The following CHD1L variants were observed in gnomAD, a reference collection of about 807,000 sequenced individuals.
CHD1L encodes the protein ATP-dependent chromatin remodeler CHD1L.
A neutral mutation model predicts 115.9 loss-of-function variants in CHD1L; 118 were observed. The observed-to-expected ratio is 1.02, with a 90% CI of 0.88 to 1.19. The LOEUF is 1.19. Ranked by LOEUF, CHD1L falls within the 50% of genes most tolerant of loss-of-function variation. CHD1L has a pLI of 0.00. For missense variants in CHD1L, 1,179 were observed against 1,065.3 expected, an observed-to-expected ratio of 1.11 and a Z score of -1.49; for synonymous variants, 411 against 387.1, an observed-to-expected ratio of 1.06 and a Z score of -0.72.
At chr1:147,186,278 A>G in the CHD1L span, 1 of 971,058 alleles carries the variant, frequency 1.0e-6, no homozygotes, top group Non-Finnish European at 1.2e-6. Context: ...TAATTTCTTT[A>G]TTGAGAAAAT....
rs1553973077 is a variant in CHD1L at position 147,293,649 on chromosome 1, C to T, written c.2433C>T (p.Val811=). ...IVAQHRDRSN[V]LSGIKMAALE... The stretch of plus-strand genomic sequence containing the variant: ...CTCAGCATCGTGATCGTTCCAATGT[C>T]CTGTCTGGCATTAAGATGGCAGCCC... Residue 811 remains valine, a synonymous_variant, in exon 21 of 23, where the codon GTC becomes GTT. Coordinates refer to ENST00000369258, the MANE Select transcript of CHD1L (RefSeq NM_004284.6). 6.2e-7 allele frequency: 1 copy of T among 1,614,148 alleles called. No homozygotes were observed. The highest frequency in any genetic ancestry group is 8.5e-7 in the Non-Finnish European group (1 of 1,180,022).
At chr1:147,290,767 C>T (rs782745201) in intron 19 of CHD1L, among the ~76,000 whole-genome samples, 2 of 152,156 alleles carry the variant, frequency 1.3e-5, no homozygotes, top group Non-Finnish European at 2.9e-5. Flanking sequence ...GATCCTCCCA[C>T]CTCAGCCTCC....
intron 6 of CHD1L, chr1:147,260,165 C>T (rs1355723813): frequency 8.5e-6 from 3 of 354,048 alleles, no homozygotes; most frequent in African/African-American, 6.1e-5. Flanking sequence ...ACATCGCTAT[C>T]ACTCAAAGTC....
At chr1:147,253,272 T>A (rs1668990289) in intron 2 of CHD1L, among the ~76,000 whole-genome samples, 1 of 152,196 alleles carries the variant, frequency 6.6e-6, no homozygotes, top group Non-Finnish European at 1.5e-5. Context: ...TGTAGACACA[T>A]CTGGTTTATA....
chr1:147,179,173 C>T, the CHD1L span: 1 of 1,613,946 alleles, frequency 6.2e-7, no homozygotes, highest in African/African-American at 1.3e-5. Flanking sequence ...GAGGTTCCTG[C>T]AGGATTACTT....
intron 6 of CHD1L, among the ~76,000 whole-genome samples, chr1:147,261,918 G>A (rs928021707): frequency 6.7e-6 from 1 of 150,326 alleles, no homozygotes. Flanking sequence ...GCAACCAGCC[G>A]GGCGCAGTGG....
In CHD1L at chr1:147,268,790, C is replaced by A. The variant is rs1249494722; in HGVS notation, c.997C>A (p.Pro333Thr). 6 of 1,612,914 alleles carry A rather than the reference C, an allele frequency of 3.7e-6. No homozygotes were observed. The highest frequency in any genetic ancestry group is 5.1e-6 in the Non-Finnish European group (6 of 1,179,370). ...DHPYLFDGVE[P>T]EPFEVGDHLT... Reference sequence around the variant, plus strand: ...GGTTCTTTCTTTTCTAGGTGTGGAGCCGGAGCCTTTTGAAGTTGGAGACCA... The same window carrying A: ...GGTTCTTTCTTTTCTAGGTGTGGAGACGGAGCCTTTTGAAGTTGGAGACCA... Residue 333 changes from proline (P) to threonine (T), a missense_variant, in exon 10 of 23, where the codon CCG becomes ACG. Physicochemically the swap from Pro to Thr is conservative, Grantham distance 38 (BLOSUM62 -1). Transcript: ENST00000369258.
Position 147,246,543 on chromosome 1 carries a change from A to G in CHD1L, c.127+3713A>G, listed in dbSNP as rs138292062. Among the ~76,000 whole-genome samples, 777 of 152,286 alleles carry G rather than the reference A, an allele frequency of 5.1e-3. 7 individuals are homozygous for G. Among genetic ancestry groups the G allele is most frequent in the Non-Finnish European group, 8.8e-3 (600 of 68,024 alleles). On this transcript the variant is annotated intron_variant, in intron 1 of 22. Transcript: ENST00000369258. ...ACCAGCAATGTATGACTGAGTTTGG[A>G]TTCTTTGCATCCTTGCCAGCATTTG...
chr1:147,198,574 G>C, the CHD1L span, among the ~76,000 whole-genome samples: 1 of 152,112 alleles, frequency 6.6e-6, no homozygotes, highest in Non-Finnish European at 1.5e-5. Flanking sequence ...CCTGAGGCCG[G>C]GTACAGTGAC....
chr1:147,284,997 C>T (rs1173649622), intron 16 of CHD1L, among the ~76,000 whole-genome samples: 1 of 152,178 alleles, frequency 6.6e-6, no homozygotes, highest in African/African-American at 2.4e-5. Flanking sequence ...GAAGTGGCAT[C>T]CTGCAGGGTA....
the CHD1L span, among the ~76,000 whole-genome samples, chr1:147,233,509 C>T: frequency 5.5e-5 from 8 of 145,192 alleles, no homozygotes; most frequent in South Asian, 4.5e-4. Context: ...CCGCCCCATC[C>T]GGGAGGTGAG....
chr1:147,230,503 T>G, the CHD1L span, among the ~76,000 whole-genome samples: 1 of 90,798 alleles, frequency 1.1e-5, no homozygotes, highest in Non-Finnish European at 1.9e-5. Flanking sequence ...GCTTTGGGTA[T>G]CAGGATGATC....
the CHD1L span, among the ~76,000 whole-genome samples, chr1:147,194,636 T>C: frequency 2.0e-5 from 3 of 152,164 alleles, no homozygotes; most frequent in Admixed American, 2.0e-4. Context: ...GTTTTTGCAG[T>C]GGCTGGTACC....
At chr1:147,273,015 C>A (rs587674144) in intron 12 of CHD1L, among the ~76,000 whole-genome samples, 79 of 151,720 alleles carry the variant, frequency 5.2e-4, no homozygotes, top group African/African-American at 1.8e-3. Flanking sequence ...GCCTGGCCAA[C>A]ATGGTGAAAC....
chr1:147,207,784 A>G, the CHD1L span, among the ~76,000 whole-genome samples: 3 of 152,090 alleles, frequency 2.0e-5, no homozygotes, highest in Non-Finnish European at 4.4e-5. Flanking sequence ...CTTACTGTAA[A>G]TCCCACCCTT....
upstream of CHD1L, among the ~76,000 whole-genome samples, chr1:147,242,309 C>T (rs1664986676): frequency 6.6e-6 from 1 of 152,166 alleles, no homozygotes; most frequent in African/African-American, 2.4e-5. Context: ...CTGGAGGGCA[C>T]GGAACAAGTC....
intron 7 of CHD1L, 141 bp downstream of exon 7, chr1:147,264,725 G>GA (rs1322773805): frequency 1.3e-6 from 1 of 775,080 alleles, no homozygotes; most frequent in African/African-American, 1.8e-5. Context: ...ATATTAGGGA[G>GA]ATGTTAAGTC....
intron 16 of CHD1L, among the ~76,000 whole-genome samples, chr1:147,284,809 A>G (rs1038059017): frequency 5.3e-5 from 8 of 152,208 alleles, no homozygotes; most frequent in Non-Finnish European, 1.5e-5. Flanking sequence ...GTTGGTAATG[A>G]TGACCCTATG....
intron 5 of CHD1L, among the ~76,000 whole-genome samples, chr1:147,257,630 C>G (rs1553941276): frequency 2.0e-5 from 3 of 152,060 alleles, no homozygotes; most frequent in African/African-American, 7.2e-5. Context: ...TGGGAAGTCT[C>G]AAAAGATAAT....
Sources: gnomAD v4.1 joint callset for allele counts (sites outside exome capture counted in the v4.1 genomes callset) on GRCh38, gnomAD v4.1.1 for gene constraint, MANE v1.5 for transcripts, NCBI Gene and HGNC (gene_info 2026-07-23, HGNC 2026-07-21) for gene names.